Variants in CNTNAP2 observed in about 807,000 individuals in gnomAD.
CNTNAP2 encodes the protein contactin-associated protein-like 2.
CNTNAP2 carries 98 observed loss-of-function variants against 155.2 expected under a neutral mutation model. The observed-to-expected ratio is 0.63, with a 90% CI of 0.54 to 0.75. The LOEUF is 0.75. Ranked by LOEUF, CNTNAP2 falls within the 30% of genes least tolerant of loss-of-function variation. CNTNAP2 has a pLI of 0.00. For synonymous variants in CNTNAP2, 651 were observed against 631.2 expected (o/e 1.03, Z -0.47); for missense variants, 1,727 against 1,688.1 (o/e 1.02, Z -0.40).
At chr7:146,662,284 C>A (rs1477850202) in intron 1 of CNTNAP2, among the ~76,000 whole-genome samples, 8 of 152,082 alleles carry the variant, frequency 5.3e-5, no homozygotes, top group African/African-American at 1.9e-4. Flanking sequence ...ATTATAGGCG[C>A]CCGCCACCAC....
At chr7:146,588,499 A>C (rs1323915692) in intron 1 of CNTNAP2, among the ~76,000 whole-genome samples, 2 of 138,750 alleles carry the variant, frequency 1.4e-5, no homozygotes, top group Admixed American at 1.5e-4. Context: ...CAGGTGTGAA[A>C]TTACAGCTTA....
intron 17 of CNTNAP2, among the ~76,000 whole-genome samples, chr7:148,148,785 T>A (rs1805243554): frequency 6.6e-6 from 1 of 152,230 alleles, no homozygotes; most frequent in Admixed American, 6.5e-5. Flanking sequence ...GTCGGCCAAC[T>A]ACAAAACAAA....
At chr7:148,208,578 C>T (rs1457747008) in intron 18 of CNTNAP2, among the ~76,000 whole-genome samples, 2 of 152,130 alleles carry the variant, frequency 1.3e-5, no homozygotes, top group Non-Finnish European at 1.5e-5. Context: ...TCCAAAGGCT[C>T]CAAGAGTTGA....
chr7:146,610,635 T>C (rs1303474357), intron 1 of CNTNAP2, among the ~76,000 whole-genome samples: 1 of 152,204 alleles, frequency 6.6e-6, no homozygotes, highest in African/African-American at 2.4e-5. Flanking sequence ...GATTGCACTT[T>C]CTTCTTAATA....
At chr7:148,339,663 A>G (rs1798192305) in intron 21 of CNTNAP2, 1 of 152,388 alleles carries the variant, frequency 6.6e-6, no homozygotes, top group South Asian at 2.1e-4. Flanking sequence ...TGGCTCCCAC[A>G]TGGAGCTGCC....
At chr7:146,657,766 A>G (rs1459754718) in intron 1 of CNTNAP2, among the ~76,000 whole-genome samples, 1 of 152,150 alleles carries the variant, frequency 6.6e-6, no homozygotes, top group African/African-American at 2.4e-5. Flanking sequence ...AATGATCTTC[A>G]TTGTCAAAAA....
At chr7:147,331,178 T>C (rs1286623788) in intron 9 of CNTNAP2, among the ~76,000 whole-genome samples, 1 of 151,992 alleles carries the variant, frequency 6.6e-6, no homozygotes. Flanking sequence ...TGGAAAGGGA[T>C]GACACAGAAA....
intron 21 of CNTNAP2, among the ~76,000 whole-genome samples, chr7:148,269,259 G>A (rs1025619978): frequency 2.6e-5 from 4 of 152,176 alleles, no homozygotes; most frequent in Admixed American, 6.5e-5. Context: ...GATATTGTAC[G>A]ATATGAAAGA....
intron 21 of CNTNAP2, among the ~76,000 whole-genome samples, chr7:148,364,566 A>G (rs546593862): frequency 3.9e-5 from 6 of 151,968 alleles, no homozygotes; most frequent in African/African-American, 7.2e-5. Context: ...AGGTTTGTGA[A>G]TGCACCAATC....
At chr7:146,185,796 T>G (rs1437528973) in intron 1 of CNTNAP2, among the ~76,000 whole-genome samples, 1 of 150,868 alleles carries the variant, frequency 6.6e-6, no homozygotes, top group African/African-American at 2.5e-5. Flanking sequence ...ACACCGAGCT[T>G]CTTTCTGTGG....
At chr7:146,745,383 A>G (rs1269234239) in intron 1 of CNTNAP2, among the ~76,000 whole-genome samples, 1 of 152,174 alleles carries the variant, frequency 6.6e-6, no homozygotes, top group Non-Finnish European at 1.5e-5. Context: ...AGGCAAAGGT[A>G]AGTTAAATGA....
intron 1 of CNTNAP2, among the ~76,000 whole-genome samples, chr7:146,628,313 G>T (rs559359260): frequency 6.6e-6 from 1 of 152,006 alleles, no homozygotes; most frequent in East Asian, 1.9e-4. Context: ...TATCATATGC[G>T]GAATCTATGA....
chr7:146,258,559 C>T (rs1167325632), intron 1 of CNTNAP2, among the ~76,000 whole-genome samples: 1 of 152,076 alleles, frequency 6.6e-6, no homozygotes, highest in Non-Finnish European at 1.5e-5. Flanking sequence ...AATAATTTTT[C>T]TTCATGAAGA....
At chr7:147,044,645 AAAT>A (rs2129255630) in intron 4 of CNTNAP2, among the ~76,000 whole-genome samples, 1 of 152,280 alleles carries the variant, frequency 6.6e-6, no homozygotes, top group South Asian at 2.1e-4. Context: ...GTTATTTCTT[AAAT>A]ACATTATGCA....
chr7:146,643,879 C>G (rs1442530959), intron 1 of CNTNAP2, among the ~76,000 whole-genome samples: 1 of 151,244 alleles, frequency 6.6e-6, no homozygotes, highest in African/African-American at 2.4e-5. Flanking sequence ...TCCTTCACGT[C>G]TCTTGTAAGT....
At chr7:147,469,265 T>C (rs1798170785) in intron 10 of CNTNAP2, among the ~76,000 whole-genome samples, 1 of 152,160 alleles carries the variant, frequency 6.6e-6, no homozygotes, top group South Asian at 2.1e-4. Context: ...CGTTCTGTAA[T>C]TCAGGAAAAA....
intron 1 of CNTNAP2, among the ~76,000 whole-genome samples, chr7:146,647,031 A>G (rs938347773): frequency 3.9e-5 from 6 of 152,230 alleles, no homozygotes; most frequent in South Asian, 2.1e-4. Context: ...TCACAAGAGG[A>G]CAGGGACTCC....
rs369195522 is a variant in CNTNAP2, at chr7:148,271,137, G to A, written c.3475+4011G>A. Among the ~76,000 whole-genome samples the A allele has an allele frequency of 9.9e-5, 15 of 152,188 alleles. No homozygotes were observed. The South Asian group carries it at 1.2e-3, about 13-fold the overall frequency. On this transcript the variant is annotated intron_variant, in intron 21 of 23. Coordinates refer to ENST00000361727, the MANE Select transcript of CNTNAP2 (RefSeq NM_014141.6). ...CCATTTTTGATGCTAGCTACATGCC[G>A]GTTATTATGCTATATGCTGTAAGTA... is the stretch of plus-strand genomic sequence containing the variant.
At position 147,300,532 on chromosome 7, in the gene CNTNAP2, A is replaced by C. The variant is rs1479837; in HGVS notation, c.1498+242A>C. On this transcript the variant is annotated intron_variant, in intron 9 of 23. Coordinates refer to ENST00000361727, the MANE Select transcript of CNTNAP2 (RefSeq NM_014141.6). ...CCTAATTTAAATCATTGAAGTATAA[A>C]AAAGGAGATTCTAAATTCATCCTCA... Among the ~76,000 whole-genome samples, 46,670 of 152,088 alleles carry C rather than the reference A, an allele frequency of 0.31. 9,071 individuals carry two copies. Among genetic ancestry groups the C allele is most frequent in the East Asian group, 0.71 (3,654 of 5,166 alleles).
Sources: gnomAD v4.1 joint callset for allele counts (sites outside exome capture counted in the v4.1 genomes callset) on GRCh38, gnomAD v4.1.1 for gene constraint, MANE v1.5 for transcripts, NCBI Gene and HGNC (gene_info 2026-07-23, HGNC 2026-07-21) for gene names.